The following FLNB variants were observed in gnomAD, a reference collection of about 807,000 sequenced individuals.
FLNB encodes the protein filamin B.
Under a neutral mutation model 250.6 loss-of-function variants are expected in FLNB, and 111 were observed. The observed-to-expected ratio is 0.44, with a 90% CI of 0.38 to 0.52. The LOEUF is 0.52. Among genes scored for constraint, FLNB ranks in the 20% least tolerant of loss-of-function variants. FLNB has a pLI of 0.00. For missense variants in FLNB, 2,869 were observed against 3,447.8 expected (o/e 0.83, Z 4.20); for synonymous variants, 1,302 against 1,372.1 (o/e 0.95, Z 1.13).
At chr3:58,122,862 TG>T (rs1233474793) in intron 20 of FLNB, among the ~76,000 whole-genome samples, 5 of 152,058 alleles carry the variant, frequency 3.3e-5, no homozygotes, top group Admixed American at 6.5e-5. Flanking sequence ...GGCTGCTCCA[TG>T]GGGGTCACAC....
chr3:58,071,898 G>A (rs993765878), intron 1 of FLNB, among the ~76,000 whole-genome samples: 1 of 152,078 alleles, frequency 6.6e-6, no homozygotes, highest in African/African-American at 2.4e-5. Flanking sequence ...GACCTCTGGG[G>A]AACTCATCCA....
chr3:58,163,507 C>T lies in FLNB; in HGVS notation c.7198+177C>T, dbSNP rs917851064. 69 of 630,486 alleles carry T rather than the reference C, an allele frequency of 1.1e-4. No homozygotes were observed. The Admixed American group carries it at 1.7e-3, about 16-fold the overall frequency. The allele number at this position is 630,486 out of a possible 1,614,324, so 39.1% of individuals were successfully genotyped here. A position where few individuals can be genotyped will look rare whatever the true frequency, so the allele number is the denominator to read the frequency against. ...CTGTTTTGGGAGTTGCGGTTTGACC[C>T]ACGATAAATCCAGAGTGAGAGCTCG... On this transcript the variant is annotated intron_variant, in intron 43 of 45. Coordinates refer to ENST00000295956, the MANE Select transcript of FLNB (RefSeq NM_001457.4).
intron 1 of FLNB, among the ~76,000 whole-genome samples, chr3:58,038,884 A>G (rs1290390638): frequency 1.3e-5 from 2 of 152,104 alleles, no homozygotes; most frequent in South Asian, 2.1e-4. Flanking sequence ...ATGATGTTGA[A>G]CAATGTGGTA....
At chr3:58,168,805 G>A (rs2097375548) in intron 44 of FLNB, 147 bp downstream of exon 44, 2 of 705,610 alleles carry the variant, frequency 2.8e-6, no homozygotes, top group East Asian at 2.7e-5. Flanking sequence ...GATGTCAGAG[G>A]GCAGTGTTTG....
At chr3:58,034,051 G>A (rs2097134588) in intron 1 of FLNB, among the ~76,000 whole-genome samples, 1 of 151,928 alleles carries the variant, frequency 6.6e-6, no homozygotes. Context: ...AGTAGAGACG[G>A]GGTTTCACCA....
chr3:58,084,415 A>G (rs1216878058), intron 4 of FLNB, among the ~76,000 whole-genome samples: 2 of 152,172 alleles, frequency 1.3e-5, no homozygotes, highest in Non-Finnish European at 2.9e-5. Context: ...CCTGTTGTTA[A>G]TGTGAGACGG....
chr3:58,077,635 G>A (rs1290950725), intron 2 of FLNB, among the ~76,000 whole-genome samples: 1 of 152,172 alleles, frequency 6.6e-6, no homozygotes, highest in Non-Finnish European at 1.5e-5. Flanking sequence ...CATTGGATTT[G>A]GAGAAACATT....
Position 58,008,704 on chromosome 3 carries a change from G to A in FLNB, c.140G>A (p.Gly47Glu). ...IGNLQTDLSD[G>E]LRLIALLEVL... ...AACCTGCAGACCGACCTGAGCGACG[G>A]GCTGCGGCTCATCGCGCTGCTCGAG... Residue 47 changes from glycine (G) to glutamate (E), a missense_variant, in exon 1 of 46, where the codon GGG (glycine) becomes GAG (glutamate). Gly to Glu is a moderately conservative substitution (Grantham distance 98). Transcript: ENST00000295956. The A allele has an allele frequency of 1.9e-6, 3 of 1,614,190 alleles. No individual in the cohort carries two copies. The highest frequency in any genetic ancestry group is 2.5e-6 in the Non-Finnish European group (3 of 1,180,046).
intron 42 of FLNB, 142 bp from the exon 43 acceptor site, chr3:58,163,011 TC>T (rs1265122505): frequency 3.7e-6 from 3 of 807,848 alleles, no homozygotes; most frequent in Non-Finnish European, 6.3e-6. Context: ...GGTTCTGAAA[TC>T]CAGGATGCTG....
intron 1 of FLNB, among the ~76,000 whole-genome samples, chr3:58,027,632 C>T (rs1289442464): frequency 3.9e-5 from 6 of 152,208 alleles, no homozygotes; most frequent in Non-Finnish European, 5.9e-5. Context: ...CTGGGGCCCT[C>T]GCCTGAACCT....
At chr3:58,155,869 C>T in intron 40 of FLNB, 91 bp from the exon 41 acceptor site, 1 of 850,636 alleles carries the variant, frequency 1.2e-6, no homozygotes, top group South Asian at 1.4e-5. Context: ...AGGGCTGGGT[C>T]TCTCTGAAGG....
chr3:58,103,900 T>C, intron 9 of FLNB, 59 bp from the exon 10 acceptor site: 1 of 1,608,024 alleles, frequency 6.2e-7, no homozygotes, highest in Non-Finnish European at 8.5e-7. Flanking sequence ...TCTTGTCCTT[T>C]TGATTCTCAT....
chr3:58,148,935 C>A, intron 36 of FLNB, 83 bp downstream of exon 36: 2 of 1,221,348 alleles, frequency 1.6e-6, no homozygotes, highest in Non-Finnish European at 2.4e-6. Flanking sequence ...TTCATCCTAC[C>A]AACTCCTTTT....
chr3:58,148,072 G>C lies in FLNB; in HGVS notation c.5729-134G>C, dbSNP rs190226890. 0.058 allele frequency: 50,449 copies of C among 869,244 alleles called. 1,818 individuals are homozygous for C. Among genetic ancestry groups the C allele is most frequent in the Middle Eastern group, 0.1 (346 of 3,326 alleles). The allele number at this position is 869,244 out of a possible 1,614,324, so 53.8% of individuals were successfully genotyped here. A position where few individuals can be genotyped will look rare whatever the true frequency, so the allele number is the denominator to read the frequency against. On this transcript the variant is annotated intron_variant, in intron 34 of 45. Transcript: ENST00000295956. ...TGGTTGGGTCTACTCAGTGTTCAAGGCTCATTTTTTTTTCACTTAACTTTG... is the reference window on the plus strand; with the variant it reads ...TGGTTGGGTCTACTCAGTGTTCAAGCCTCATTTTTTTTTCACTTAACTTTG...
At chr3:58,021,032 CAAGAAAAT>C (rs1249138152) in intron 1 of FLNB, among the ~76,000 whole-genome samples, 1 of 152,086 alleles carries the variant, frequency 6.6e-6, no homozygotes, top group Non-Finnish European at 1.5e-5. Context: ...CCCCGTGTCC[CAAGAAAAT>C]AAGTTCTTAT....
rs965826505 is a variant in FLNB, at chr3:58,168,678, G to A, written c.7417+20G>A. ...TGACAGGTAACGAACAACCACCTTC[G>A]GAGTTACTCTCCCTTCCTGGGGAGC... On this transcript the variant is annotated intron_variant, in intron 44 of 45. Transcript: ENST00000295956. The A allele has an allele frequency of 9.0e-6, 14 of 1,553,706 alleles. No homozygotes were observed. The highest frequency in any genetic ancestry group is 1.4e-5 in the African/African-American group (1 of 73,532).
chr3:58,090,903 C>G (rs1430950761), intron 4 of FLNB, among the ~76,000 whole-genome samples: 2 of 151,844 alleles, frequency 1.3e-5, no homozygotes, highest in African/African-American at 4.8e-5. Context: ...ACGGTGAAAC[C>G]CTGTCTCTAC....
intron 29 of FLNB, among the ~76,000 whole-genome samples, chr3:58,140,718 C>G (rs577876767): frequency 1.3e-5 from 2 of 152,222 alleles, no homozygotes; most frequent in African/African-American, 4.8e-5. Flanking sequence ...AAGCGATTCT[C>G]CTGCCTCAGC....
intron 1 of FLNB, among the ~76,000 whole-genome samples, chr3:58,065,848 C>T (rs561939836): frequency 6.6e-6 from 1 of 152,202 alleles, no homozygotes; most frequent in African/African-American, 2.4e-5. Context: ...CAAAGGGTCA[C>T]GAGGACCTCC....
Sources: allele counts gnomAD v4.1 joint callset (sites outside exome capture counted in the v4.1 genomes callset), GRCh38; gene constraint gnomAD v4.1.1; transcripts MANE v1.5; gene names NCBI Gene and HGNC (gene_info 2026-07-23, HGNC 2026-07-21).